NAALADL2: variants seen among roughly 807,000 people sequenced by gnomAD.
NAALADL2 encodes inactive N-acetylated-alpha-linked acidic dipeptidase-like protein 2.
In NAALADL2, 76 loss-of-function variants were observed where a neutral mutation model predicts 87.2. The observed-to-expected ratio is 0.87, with a 90% CI of 0.72 to 1.05. The LOEUF is 1.05. Among genes scored for constraint, NAALADL2 ranks in the 50% least tolerant of loss-of-function variants. The pLI is 0.00. For synonymous variants in NAALADL2, 354 were observed against 331.0 expected (o/e 1.07, Z -0.75); for missense variants, 1,089 against 945.8 (o/e 1.15, Z -1.99).
intron 2 of NAALADL2, among the ~76,000 whole-genome samples, chr3:175,106,317 G>T (rs1339190269): frequency 1.3e-5 from 2 of 151,924 alleles, no homozygotes; most frequent in Non-Finnish European, 2.9e-5. Context: ...TTACATAATT[G>T]CAGTGATTAT....
At chr3:175,003,480 A>G (rs1438588406) in intron 1 of NAALADL2, among the ~76,000 whole-genome samples, 1 of 152,236 alleles carries the variant, frequency 6.6e-6, no homozygotes, top group African/African-American at 2.4e-5. Context: ...AATGTTATGT[A>G]TGAAATTGAC....
rs536899955 is a variant in NAALADL2, at chr3:174,834,308, A to T, written c.-9+96562A>T. 2.0e-5 allele frequency among the ~76,000 whole-genome samples: 3 copies of T among 147,482 alleles called. No individual in the cohort carries two copies. The South Asian group carries it at 6.4e-4, about 31-fold the overall frequency. On this transcript the variant is annotated intron_variant, in intron 3 of 3. Coordinates refer to the NAALADL2 transcript ENST00000434257. ...CAAAATTGAAAAAGATTGTTTTCTC[A>T]CTCTGAATATGGGCACCTACATAAA... is the stretch of plus-strand genomic sequence containing the variant.
intron 2 of NAALADL2, among the ~76,000 whole-genome samples, chr3:175,162,740 AT>A (rs762721280): frequency 1.3e-5 from 2 of 152,214 alleles, no homozygotes; most frequent in Non-Finnish European, 2.9e-5. Flanking sequence ...AAGTAAAGCT[AT>A]AAGATAGGCA....
Position 174,753,360 on chromosome 3 carries a change from G to A in NAALADL2, c.-9+15614G>A, listed in dbSNP as rs562453630. On this transcript the variant is annotated intron_variant, in intron 3 of 3. Transcript: ENST00000434257. The stretch of plus-strand genomic sequence containing the variant: ...CAAAGTGCTGGGATTACAGGCATGA[G>A]CCACTGCTCCTGGTGATCCCCTTTT... 2.0e-5 allele frequency among the ~76,000 whole-genome samples: 3 copies of A among 152,354 alleles called. No individual in the cohort carries two copies. In the East Asian group the frequency reaches 5.8e-4, roughly 29 times the overall value.
chr3:174,755,646 G>A (rs1009301670), intron 3 of NAALADL2, among the ~76,000 whole-genome samples: 2 of 152,090 alleles, frequency 1.3e-5, no homozygotes, highest in South Asian at 4.1e-4. Flanking sequence ...AGAGAAGAGG[G>A]ACACATTTCC....
intron 2 of NAALADL2, among the ~76,000 whole-genome samples, chr3:174,660,330 A>C (rs2108776600): frequency 6.6e-6 from 1 of 152,288 alleles, no homozygotes; most frequent in African/African-American, 2.4e-5. Flanking sequence ...TAACTTATTC[A>C]GTGTTAAAAT....
chr3:175,305,163 T>C (rs62286962), intron 4 of NAALADL2, among the ~76,000 whole-genome samples: 34,918 of 151,980 alleles, frequency 0.23, 4,269 homozygotes, highest in Middle Eastern at 0.27. Flanking sequence ...AAGAATCTAG[T>C]TATACTTTTT....
At chr3:175,626,498 C>A (rs1354502376) in intron 10 of NAALADL2, among the ~76,000 whole-genome samples, 1 of 151,786 alleles carries the variant, frequency 6.6e-6, no homozygotes, top group Non-Finnish European at 1.5e-5. Flanking sequence ...ATTTACTCCT[C>A]ACCTGATTTT....
intron 1 of NAALADL2, among the ~76,000 whole-genome samples, chr3:175,044,076 A>T (rs569820037): frequency 2.4e-4 from 36 of 152,070 alleles, no homozygotes; most frequent in Non-Finnish European, 4.3e-4. Flanking sequence ...AGTTTTCATC[A>T]TACCTGTTTG....
At chr3:174,534,324 T>A (rs1253298504) in intron 1 of NAALADL2, among the ~76,000 whole-genome samples, 2 of 152,246 alleles carry the variant, frequency 1.3e-5, no homozygotes, top group African/African-American at 4.8e-5. Flanking sequence ...AAGTTAGTCT[T>A]GGGATCTAGT....
chr3:175,642,564 G>A (rs1452099656), intron 11 of NAALADL2, among the ~76,000 whole-genome samples: 1 of 150,166 alleles, frequency 6.7e-6, no homozygotes, highest in African/African-American at 2.5e-5. Context: ...GCAGTGGTGC[G>A]ATCTCGGCTC....
chr3:175,230,745 TA>T (rs1406300430), intron 2 of NAALADL2, among the ~76,000 whole-genome samples: 7 of 151,962 alleles, frequency 4.6e-5, no homozygotes, highest in Non-Finnish European at 8.8e-5. Flanking sequence ...AAATAAAATT[TA>T]AAAGTAAAAT....
At chr3:174,880,203 C>T (rs1398231333) in intron 1 of NAALADL2, among the ~76,000 whole-genome samples, 1 of 152,018 alleles carries the variant, frequency 6.6e-6, no homozygotes, top group African/African-American at 2.4e-5. Context: ...ATTATGTACT[C>T]AACGTATCTA....
At chr3:175,669,988 TA>T (rs1194799039) in intron 11 of NAALADL2, among the ~76,000 whole-genome samples, 17 of 152,118 alleles carry the variant, frequency 1.1e-4, no homozygotes, top group African/African-American at 3.9e-4. Context: ...ATCAGTAATA[TA>T]AAAATGTAGG....
At chr3:174,715,496 A>G (rs1560167583) in intron 2 of NAALADL2, among the ~76,000 whole-genome samples, 1 of 152,184 alleles carries the variant, frequency 6.6e-6, no homozygotes, top group Non-Finnish European at 1.5e-5. Flanking sequence ...GCTTAGATTG[A>G]GAAGCCTGTT....
chr3:174,576,792 A>C (rs76648306), intron 2 of NAALADL2, among the ~76,000 whole-genome samples: 1 of 152,186 alleles, frequency 6.6e-6, no homozygotes, highest in Non-Finnish European at 1.5e-5. Context: ...ATTTTAAGAG[A>C]AGTAAAAAAT....
upstream of NAALADL2, among the ~76,000 whole-genome samples, chr3:174,856,296 G>T (rs943404641): frequency 1.3e-5 from 2 of 152,110 alleles, no homozygotes; most frequent in African/African-American, 4.8e-5. Context: ...GTGAGCTCCT[G>T]TGCCCAGTCT....
intron 2 of NAALADL2, among the ~76,000 whole-genome samples, chr3:174,693,804 T>C (rs867763279): frequency 6.6e-6 from 1 of 152,138 alleles, no homozygotes; most frequent in Non-Finnish European, 1.5e-5. Context: ...ATAGAGAGTG[T>C]GTACATATGT....
At chr3:175,235,071 T>C (rs1745604629) in intron 3 of NAALADL2, 1 of 152,112 alleles carries the variant, frequency 6.6e-6, no homozygotes, top group African/African-American at 2.4e-5. Context: ...AGTTTTTTTT[T>C]TTTTTCCATC....
Sources: allele counts gnomAD v4.1 joint callset (sites outside exome capture counted in the v4.1 genomes callset), GRCh38; gene constraint gnomAD v4.1.1; transcripts MANE v1.5; gene names NCBI Gene and HGNC (gene_info 2026-07-23, HGNC 2026-07-21).